The following CHST11 variants were observed in gnomAD, a reference collection of about 807,000 sequenced individuals.
CHST11 encodes the protein C4S-1.
CHST11 carries 9 observed loss-of-function variants against 30.4 expected under a neutral mutation model. That is an observed-to-expected ratio of 0.30 (90% confidence interval 0.18 to 0.52). The LOEUF is 0.52. CHST11 is among the 20% of genes least tolerant of loss of function. CHST11 has a pLI of 0.97. For synonymous variants in CHST11, 152 were observed against 187.8 expected (o/e 0.81, Z 1.56); for missense variants, 348 against 460.6 (o/e 0.76, Z 2.24).
intron 2 of CHST11, among the ~76,000 whole-genome samples, chr12:104,680,116 C>G (rs1173912192): frequency 6.6e-6 from 1 of 152,234 alleles, no homozygotes; most frequent in East Asian, 1.9e-4. Flanking sequence ...CCCAGGGATA[C>G]AGCAGTGCAT....
intron 2 of CHST11, among the ~76,000 whole-genome samples, chr12:104,629,556 T>G (rs904725212): frequency 6.6e-6 from 1 of 152,132 alleles, no homozygotes; most frequent in Non-Finnish European, 1.5e-5. Flanking sequence ...TCACAGTGGC[T>G]CATGCCTATA....
In CHST11 at chr12:104,729,547, C is replaced by T. The variant is rs749786731; in HGVS notation, c.205-27402C>T. Among the ~76,000 whole-genome samples, 29 of 152,230 alleles carry T rather than the reference C, an allele frequency of 1.9e-4. No individual in the cohort carries two copies. Among genetic ancestry groups the T allele is most frequent in the Non-Finnish European group, 1.2e-4 (8 of 68,018 alleles). On this transcript the variant is annotated intron_variant, in intron 2 of 2. Transcript: ENST00000303694. The surrounding 1 kb of genome is among the most constrained non-coding windows in gnomAD (Gnocchi z 4.0). ...AGCCCCTGCCCTCTGACTTTGAGATCCAGGCATTTCAGACAGACAGTATCA... is the reference window on the plus strand; with the variant it reads ...AGCCCCTGCCCTCTGACTTTGAGATTCAGGCATTTCAGACAGACAGTATCA...
chr12:104,528,709 A>G (rs1410922062), intron 1 of CHST11, among the ~76,000 whole-genome samples: 1 of 152,212 alleles, frequency 6.6e-6, no homozygotes, highest in African/African-American at 2.4e-5. Context: ...AGAGAATTTT[A>G]AATTCACTTT....
chr12:104,757,045 G>A lies in CHST11; in HGVS notation c.301G>A (p.Val101Met), dbSNP rs773060984. 8 of 1,613,996 alleles carry A rather than the reference G, an allele frequency of 5.0e-6. No homozygotes were observed. The highest frequency in any genetic ancestry group is 5.9e-6 in the Non-Finnish European group (7 of 1,180,036). ...ANSATSRKRR[V>M]LTPNDLKHLV... ...CAGCGCCACAAGCCGTAAGCGGAGG[G>A]TGCTGACCCCCAACGACCTGAAGCA... The change falls in exon 3 of 3, where the codon GTG (valine) becomes ATG (methionine). Residue 101 changes from valine to methionine, a missense_variant. Val to Met is a conservative substitution (Grantham distance 21). This residue lies in a region of CHST11 where 135 missense variants were observed against 155.8 expected (regional missense o/e 0.87). Coordinates refer to ENST00000303694, the MANE Select transcript of CHST11 (RefSeq NM_018413.6). This position sits in a 1 kb window ranked among gnomAD's most constrained non-coding sequence, Gnocchi z 6.5.
chr12:104,670,080 G>A (rs527503416), intron 2 of CHST11, among the ~76,000 whole-genome samples: 7 of 152,330 alleles, frequency 4.6e-5, no homozygotes, highest in East Asian at 3.9e-4. Flanking sequence ...GGACAGAGGC[G>A]GAAGCTTGCC....
At chr12:104,584,740 A>C (rs534142749) in intron 1 of CHST11, among the ~76,000 whole-genome samples, 1 of 152,228 alleles carries the variant, frequency 6.6e-6, no homozygotes, top group Non-Finnish European at 1.5e-5. Flanking sequence ...TGATTGGTCC[A>C]AGATTATAGG....
At chr12:104,633,637 G>A (rs1203832226) in intron 2 of CHST11, among the ~76,000 whole-genome samples, 4 of 151,976 alleles carry the variant, frequency 2.6e-5, no homozygotes, top group African/African-American at 9.6e-5. Context: ...GGCTGGTCTT[G>A]AACTCCTGAC....
rs2039745200 is a variant in CHST11, at chr12:104,676,610, T to A, written c.204+74619T>A. ...TTGTATTTTTAGTAGAGATGGGGTT[T>A]CCCCATGTTGGCCAGGATGGTCTCG... On this transcript the variant is annotated intron_variant, in intron 2 of 2. Coordinates refer to ENST00000303694, the MANE Select transcript of CHST11 (RefSeq NM_018413.6). The surrounding 1 kb of genome is among the most constrained non-coding windows in gnomAD (Gnocchi z 4.4). 6.6e-6 allele frequency among the ~76,000 whole-genome samples: 1 copy of A among 152,220 alleles called. No homozygotes were observed. Among genetic ancestry groups the A allele is most frequent in the Non-Finnish European group, 1.5e-5 (1 of 68,044 alleles).
At chr12:104,598,837 G>T (rs947091367) in intron 1 of CHST11, among the ~76,000 whole-genome samples, 7 of 152,142 alleles carry the variant, frequency 4.6e-5, no homozygotes, top group African/African-American at 1.7e-4. Flanking sequence ...CCTGGTGGGT[G>T]GGGTGGGCCT....
At chr12:104,713,236 A>G (rs1425094154) in intron 2 of CHST11, among the ~76,000 whole-genome samples, 1 of 152,044 alleles carries the variant, frequency 6.6e-6, no homozygotes, top group Non-Finnish European at 1.5e-5. Flanking sequence ...TCCGAATCCA[A>G]TAGGTATTCA....
chr12:104,485,279 T>C (rs907709540), intron 1 of CHST11, among the ~76,000 whole-genome samples: 2 of 152,122 alleles, frequency 1.3e-5, no homozygotes, highest in African/African-American at 2.4e-5. Context: ...CTCTGGAAGA[T>C]TGACTCTTAT....
chr12:104,614,027 A>G (rs2039085108), intron 2 of CHST11, among the ~76,000 whole-genome samples: 1 of 152,230 alleles, frequency 6.6e-6, no homozygotes, highest in Non-Finnish European at 1.5e-5. Flanking sequence ...TCTGCTAGGA[A>G]AGCAGATCTT....
chr12:104,755,344 G>A (rs2040466048), intron 2 of CHST11, among the ~76,000 whole-genome samples: 1 of 152,320 alleles, frequency 6.6e-6, no homozygotes, highest in South Asian at 2.1e-4. Context: ...GAGTCCCTGT[G>A]AAGTGAGTGG....
chr12:104,475,735 A>T (rs2037554299), intron 1 of CHST11, among the ~76,000 whole-genome samples: 1 of 133,892 alleles, frequency 7.5e-6, no homozygotes, highest in Non-Finnish European at 1.6e-5. Flanking sequence ...GAGAATTTTG[A>T]AAAAAGGAAC....
chr12:104,744,252 A>G (rs763351949), intron 2 of CHST11, among the ~76,000 whole-genome samples: 1 of 152,158 alleles, frequency 6.6e-6, no homozygotes, highest in Non-Finnish European at 1.5e-5. Flanking sequence ...TTTCTCCGCA[A>G]CCTTGCCAGC....
At chr12:104,500,108 A>G (rs2037838785) in intron 1 of CHST11, among the ~76,000 whole-genome samples, 1 of 152,144 alleles carries the variant, frequency 6.6e-6, no homozygotes. Context: ...TTATTAGATT[A>G]GAAGCTCAGT....
intron 1 of CHST11, among the ~76,000 whole-genome samples, chr12:104,460,829 G>T (rs1000581138): frequency 6.6e-6 from 1 of 152,180 alleles, no homozygotes; most frequent in African/African-American, 2.4e-5. Context: ...GCAGAAGTGG[G>T]CCTTGTCAGT....
chr12:104,473,915 T>TCAC (rs781715469), intron 1 of CHST11, among the ~76,000 whole-genome samples: 191 of 151,576 alleles, frequency 1.3e-3, no homozygotes, highest in Middle Eastern at 3.4e-3. Context: ...ATCACCATCA[T>TCAC]CACCACCACC....
chr12:104,579,412 C>T (rs1351288025), intron 1 of CHST11, among the ~76,000 whole-genome samples: 3 of 152,134 alleles, frequency 2.0e-5, no homozygotes, highest in Non-Finnish European at 2.9e-5. Flanking sequence ...GAGATGCCAG[C>T]GATTGATCTT....
Sources: gnomAD v4.1 joint callset for allele counts (sites outside exome capture counted in the v4.1 genomes callset) on GRCh38, gnomAD v4.1.1 for gene constraint, gnomAD v4.1.1 regional missense constraint, Gnocchi (gnomAD v3.1) non-coding constraint, MANE v1.5 for transcripts, NCBI Gene and HGNC (gene_info 2026-07-23, HGNC 2026-07-21) for gene names.